DCC: variants seen among roughly 807,000 people sequenced by gnomAD.
DCC encodes the protein DCC netrin 1 receptor, also known as netrin receptor DCC.
A neutral mutation model predicts 172.5 loss-of-function variants in DCC; 58 were observed. The ratio of observed to expected loss-of-function variants is 0.34; its 90% CI spans 0.27 to 0.42. The LOEUF (loss-of-function observed/expected upper bound fraction) is 0.42. DCC is among the 10% of genes least tolerant of loss of function. The pLI is 1.00. For synonymous variants in DCC, 709 were observed against 644.5 expected (o/e 1.10, Z -1.52); for missense variants, 1,740 against 1,791.0 (o/e 0.97, Z 0.51).
intron 1 of DCC, among the ~76,000 whole-genome samples, chr18:52,500,759 AT>A (rs1400093206): frequency 5.3e-5 from 8 of 151,664 alleles, no homozygotes; most frequent in East Asian, 1.9e-4. Flanking sequence ...ATGATTTTTG[AT>A]TTTTTTTTAA....
chr18:52,595,337 A>C (rs1422924832), intron 1 of DCC, among the ~76,000 whole-genome samples: 1 of 152,166 alleles, frequency 6.6e-6, no homozygotes, highest in Admixed American at 6.5e-5. Context: ...ATAGTCCATT[A>C]GTCTTTGCGT....
Position 52,909,581 on chromosome 18 carries a change from G to A in DCC, c.697+3253G>A, listed in dbSNP as rs182668553. Reference sequence around the variant, plus strand: ...CAAGTCTATGTGAAACTTATTTCAGGTTGCCTCTTTTATATATCAGGTGTC... The same window carrying A: ...CAAGTCTATGTGAAACTTATTTCAGATTGCCTCTTTTATATATCAGGTGTC... On this transcript the variant is annotated intron_variant, in intron 3 of 28. Transcript: ENST00000442544. Among the ~76,000 whole-genome samples the A allele has an allele frequency of 3.0e-3, 454 of 152,166 alleles. 2 individuals are homozygous for A. The highest frequency in any genetic ancestry group is 0.011 in the African/African-American group (438 of 41,538).
intron 21 of DCC, among the ~76,000 whole-genome samples, chr18:53,425,037 A>G (rs1910830835): frequency 6.6e-6 from 1 of 151,920 alleles, no homozygotes; most frequent in Non-Finnish European, 1.5e-5. Context: ...ATAGGGAGAG[A>G]AAAGGATGAT....
intron 1 of DCC, among the ~76,000 whole-genome samples, chr18:52,565,797 C>T (rs1472779497): frequency 6.6e-6 from 1 of 152,100 alleles, no homozygotes; most frequent in African/African-American, 2.4e-5. Context: ...TGTCTGTTCA[C>T]GCTGATGATT....
At chr18:52,556,478 C>T (rs1317132130) in intron 1 of DCC, among the ~76,000 whole-genome samples, 1 of 152,030 alleles carries the variant, frequency 6.6e-6, no homozygotes, top group Admixed American at 6.6e-5. Flanking sequence ...ATGGAGAGAA[C>T]AAACCACATT....
chr18:52,567,745 C>T (rs2033193698), intron 1 of DCC, among the ~76,000 whole-genome samples: 1 of 151,916 alleles, frequency 6.6e-6, no homozygotes, highest in Non-Finnish European at 1.5e-5. Flanking sequence ...ACTACAAGCC[C>T]AGACTTTACT....
At chr18:52,984,931 C>T (rs1268261877) in intron 5 of DCC, among the ~76,000 whole-genome samples, 1 of 152,052 alleles carries the variant, frequency 6.6e-6, no homozygotes, top group Non-Finnish European at 1.5e-5. Flanking sequence ...TTTAAAATGA[C>T]ATTTTATTGT....
At chr18:52,374,427 C>G (rs936296302) in intron 1 of DCC, among the ~76,000 whole-genome samples, 1 of 152,046 alleles carries the variant, frequency 6.6e-6, no homozygotes, top group African/African-American at 2.4e-5. Flanking sequence ...ATTTTAGCCC[C>G]TCGGTGCTTA....
At chr18:53,229,873 G>T (rs1282632574) in intron 12 of DCC, among the ~76,000 whole-genome samples, 1 of 152,076 alleles carries the variant, frequency 6.6e-6, no homozygotes, top group Admixed American at 6.6e-5. Context: ...AAATTCTTTA[G>T]CATGAACACA....
At chr18:53,351,664 C>A (rs1250672932) in intron 15 of DCC, among the ~76,000 whole-genome samples, 2 of 150,448 alleles carry the variant, frequency 1.3e-5, no homozygotes, top group Non-Finnish European at 3.0e-5. Context: ...GTAGGTCATT[C>A]ATTCTACCAA....
chr18:53,102,245 A>G (rs1208584173), intron 7 of DCC, among the ~76,000 whole-genome samples: 3 of 152,108 alleles, frequency 2.0e-5, no homozygotes, highest in African/African-American at 4.8e-5. Context: ...TAGTGCTACT[A>G]TTTCGTGACT....
At chr18:52,494,664 G>T (rs2030671141) in intron 1 of DCC, among the ~76,000 whole-genome samples, 1 of 151,654 alleles carries the variant, frequency 6.6e-6, no homozygotes, top group East Asian at 1.9e-4. Flanking sequence ...CATTTTCATT[G>T]GATTCTTTTT....
intron 17 of DCC, 42 bp from the exon 18 acceptor site, chr18:53,397,266 A>G: frequency 6.3e-7 from 1 of 1,580,698 alleles, no homozygotes; most frequent in Non-Finnish European, 8.7e-7. Flanking sequence ...CCAAGTTGAT[A>G]GAGTTTATTT....
chr18:52,432,841 G>C (rs1987670089), intron 1 of DCC, among the ~76,000 whole-genome samples: 1 of 152,056 alleles, frequency 6.6e-6, no homozygotes, highest in Non-Finnish European at 1.5e-5. Context: ...GCTCACCTGT[G>C]GCTTATACTG....
At chr18:53,088,645 C>T (rs1432300299) in intron 7 of DCC, among the ~76,000 whole-genome samples, 2 of 151,766 alleles carry the variant, frequency 1.3e-5, no homozygotes, top group African/African-American at 4.8e-5. Context: ...TTGAAAGGAT[C>T]AACAGAATTG....
intron 1 of DCC, among the ~76,000 whole-genome samples, chr18:52,360,100 T>C (rs1371406559): frequency 6.6e-6 from 1 of 152,268 alleles, no homozygotes; most frequent in Non-Finnish European, 1.5e-5. Context: ...GCAAATCACA[T>C]TAATTCTTGC....
At chr18:53,016,405 T>C (rs537891375) in intron 5 of DCC, among the ~76,000 whole-genome samples, 12 of 152,228 alleles carry the variant, frequency 7.9e-5, no homozygotes, top group Middle Eastern at 6.8e-3. Flanking sequence ...TGCATTTAGC[T>C]GAAATAAACA....
rs778568172 is a variant in DCC at position 53,116,846 on chromosome 18, A to G, written c.1262-40510A>G. 9.9e-5 allele frequency among the ~76,000 whole-genome samples: 15 copies of G among 151,678 alleles called. No homozygotes were observed. The South Asian group carries it at 1.0e-3, about 11-fold the overall frequency. On this transcript the variant is annotated intron_variant, in intron 7 of 28. Transcript: ENST00000442544. ...TTAAAAAACAGTACACATTTATCTC[A>G]CCCATTTCCCTAATTCCTATGTCTA...
At chr18:53,379,843 A>G (rs182502765) in intron 15 of DCC, among the ~76,000 whole-genome samples, 2 of 152,234 alleles carry the variant, frequency 1.3e-5, no homozygotes. Flanking sequence ...CAAATCTGCT[A>G]AATAACCCAG....
Sources: gnomAD v4.1 joint callset for allele counts (sites outside exome capture counted in the v4.1 genomes callset) on GRCh38, gnomAD v4.1.1 for gene constraint, MANE v1.5 for transcripts, NCBI Gene and HGNC (gene_info 2026-07-23, HGNC 2026-07-21) for gene names.